The following TMEM204 variants were observed in gnomAD, a reference collection of about 807,000 sequenced individuals.
TMEM204 encodes the protein claudin-like protein 24.
TMEM204 carries 15 observed loss-of-function variants against 19.4 expected under a neutral mutation model. That is an observed-to-expected ratio of 0.77 (90% CI 0.52 to 1.19). The LOEUF (loss-of-function observed/expected upper bound fraction) is 1.19, where lower values mean the gene tolerates loss of function less well. TMEM204 is among the 50% of genes most tolerant of loss of function. The pLI is 0.00. For synonymous variants in TMEM204, 161 were observed against 146.0 expected, an observed-to-expected ratio of 1.10 and a Z score of -0.74; for missense variants, 287 against 321.2, an observed-to-expected ratio of 0.89 and a Z score of 0.81.
intron 2 of TMEM204, among the ~76,000 whole-genome samples, chr16:1,550,849 CTG>C (rs1400473711): frequency 6.6e-6 from 1 of 152,274 alleles, no homozygotes; most frequent in Non-Finnish European, 1.5e-5. Flanking sequence ...CTAGCCGTCT[CTG>C]TGGCTGACGC....
Position 1,533,974 on chromosome 16 carries a change from C to T in TMEM204, c.-302C>T. Reference sequence around the variant, plus strand: ...CGCGGCACAGGCCGGCCTCCGCTTCCCGGGAAGACGGCGCACTCCTGGCCC... The same window carrying T: ...CGCGGCACAGGCCGGCCTCCGCTTCTCGGGAAGACGGCGCACTCCTGGCCC... On this transcript the variant is annotated 5_prime_UTR_variant, in exon 1 of 3. Transcript: ENST00000566264. The surrounding 1 kb of genome is among the most constrained non-coding windows in gnomAD (Gnocchi z 4.7). The T allele has an allele frequency of 2.2e-6, 1 of 446,766 alleles. No homozygotes were observed. The highest frequency in any genetic ancestry group is 3.0e-5 in the South Asian group (1 of 33,258). The allele number at this position is 446,766 out of a possible 1,614,324, so 27.7% of individuals were successfully genotyped here.
chr16:1,554,069 A>G, intron 2 of TMEM204: 1 of 1,287,166 alleles, frequency 7.8e-7, no homozygotes, highest in Non-Finnish European at 1.0e-6. Context: ...GCATGGAAGG[A>G]AAATCTGCCA....
chr16:1,533,237 C>A (rs118152236), upstream of TMEM204: 1,012 of 152,466 alleles, frequency 6.6e-3, 8 homozygotes, highest in Admixed American at 8.8e-3. This position sits in a 1 kb window ranked among gnomAD's most constrained non-coding sequence, Gnocchi z 4.7. Context: ...GTGATATCTG[C>A]CCCCCTTTTG....
chr16:1,544,615 C>T (rs893845983), intron 2 of TMEM204, among the ~76,000 whole-genome samples: 22 of 152,102 alleles, frequency 1.4e-4, no homozygotes, highest in Admixed American at 1.4e-3. Flanking sequence ...CAAACGTGTG[C>T]TACTGCGCCC....
intron 1 of TMEM204, among the ~76,000 whole-genome samples, chr16:1,535,783 C>T (rs1204903833): frequency 2.6e-5 from 4 of 152,270 alleles, no homozygotes; most frequent in African/African-American, 9.6e-5. Context: ...CTGGACTGCG[C>T]ACTTCCTCTC....
intron 2 of TMEM204, among the ~76,000 whole-genome samples, chr16:1,542,902 G>A (rs775602157): frequency 1.9e-4 from 29 of 152,254 alleles, no homozygotes; most frequent in Non-Finnish European, 3.1e-4. Flanking sequence ...GCGTCATAGA[G>A]GGTGACAGTG....
chr16:1,551,412 T>A lies in TMEM204; in HGVS notation c.437-3370T>A, dbSNP rs917826579. On this transcript the variant is annotated intron_variant, in intron 2 of 2. Coordinates refer to ENST00000566264, the MANE Select transcript of TMEM204 (RefSeq NM_024600.6). The surrounding 1 kb of genome is among the most constrained non-coding windows in gnomAD (Gnocchi z 4.0). ...AGAAGCCCAGAGTAGGTGGACCCAG[T>A]GACTGAGAGGGGTGGAAAGGGCCAC... Among the ~76,000 whole-genome samples the A allele has an allele frequency of 2.0e-5, 3 of 151,678 alleles. No homozygotes were observed. The highest frequency in any genetic ancestry group is 4.4e-5 in the Non-Finnish European group (3 of 67,876).
chr16:1,532,691 G>C (rs1596316749), upstream of TMEM204: 1 of 152,310 alleles, frequency 6.6e-6, no homozygotes, highest in East Asian at 1.9e-4. Context: ...CTGCATTCAC[G>C]AAGCTTTGGA....
At position 1,533,950 on chromosome 16, in the gene TMEM204, G is replaced by A. The variant is rs2030781489; in HGVS notation, c.-326G>A. ...CTGCTGCAGGCGAGAAGAGGCACGCGCGGCACAGGCCGGCCTCCGCTTCCC... is the reference window on the plus strand; with the variant it reads ...CTGCTGCAGGCGAGAAGAGGCACGCACGGCACAGGCCGGCCTCCGCTTCCC... On this transcript the variant is annotated 5_prime_UTR_variant, in exon 1 of 3. Transcript: ENST00000566264. This position sits in a 1 kb window ranked among gnomAD's most constrained non-coding sequence, Gnocchi z 4.7. The A allele has an allele frequency of 5.1e-6, 2 of 393,982 alleles. No homozygotes were observed. The highest frequency in any genetic ancestry group is 3.2e-5 in the South Asian group (1 of 31,268). The allele number at this position is 393,982 out of a possible 1,614,324, so 24.4% of individuals were successfully genotyped here.
downstream of TMEM204, chr16:1,555,568 ACT>A (rs1451089841): frequency 5.5e-4 from 86 of 157,242 alleles, no homozygotes; most frequent in Admixed American, 6.2e-4. Context: ...AAGCCTCTGA[ACT>A]CTGTCTATAA....
chr16:1,536,141 T>A (rs1017466242), intron 1 of TMEM204, among the ~76,000 whole-genome samples: 1 of 152,160 alleles, frequency 6.6e-6, no homozygotes, highest in Non-Finnish European at 1.5e-5. Flanking sequence ...GCTCTGCACC[T>A]CCAGGCCTCC....
chr16:1,528,762 C>G (rs1276569442), upstream of TMEM204: 5 of 152,566 alleles, frequency 3.3e-5, no homozygotes, highest in Admixed American at 6.5e-5. Context: ...ACTGGAGGGA[C>G]CAGCCGCCCA....
At chr16:1,554,648 T>C in intron 2 of TMEM204, 134 bp from the exon 3 acceptor site, 1 of 1,344,172 alleles carries the variant, frequency 7.4e-7, no homozygotes, top group Non-Finnish European at 1.0e-6. Flanking sequence ...TAAAGCAGGC[T>C]GGAACCCGCT....
At chr16:1,541,794 A>G (rs1040006557) in intron 1 of TMEM204, 127 bp from the exon 2 acceptor site, 20 of 1,176,164 alleles carry the variant, frequency 1.7e-5, no homozygotes, top group Admixed American at 5.0e-5. Context: ...CCACTGCCCA[A>G]TGGAGGCACA....
rs549942486 is a variant in TMEM204 at position 1,547,588 on chromosome 16, G to A, written c.436+5512G>A. Among the ~76,000 whole-genome samples the A allele has an allele frequency of 2.0e-5, 3 of 152,306 alleles. No individual in the cohort carries two copies. The South Asian group carries it at 6.2e-4, about 32-fold the overall frequency. On this transcript the variant is annotated intron_variant, in intron 2 of 2. Transcript: ENST00000566264. ...GTCTCACTCCGATACCCAGCCTGGA[G>A]TGCAGTGGTGCAATCTGGGTTCAAT...
chr16:1,536,157 G>A (rs1019573791), intron 1 of TMEM204, among the ~76,000 whole-genome samples: 13 of 152,218 alleles, frequency 8.5e-5, no homozygotes, highest in African/African-American at 2.9e-4. Context: ...CCTCCTAACT[G>A]CTGCCACCAA....
rs988497354 is a variant in TMEM204, at chr16:1,551,382, C to T, written c.437-3400C>T. Among the ~76,000 whole-genome samples the T allele has an allele frequency of 5.9e-5, 9 of 152,008 alleles. No individual in the cohort carries two copies. Among genetic ancestry groups the T allele is most frequent in the Admixed American group, 4.6e-4 (7 of 15,278 alleles). On this transcript the variant is annotated intron_variant, in intron 2 of 2. Transcript: ENST00000566264. The surrounding 1 kb of genome is among the most constrained non-coding windows in gnomAD (Gnocchi z 4.0). Reference sequence around the variant, plus strand: ...GCCAGTCAAGCCGGGGACAGTGGCACGAGGAGAAGCCCAGAGTAGGTGGAC... The same window carrying T: ...GCCAGTCAAGCCGGGGACAGTGGCATGAGGAGAAGCCCAGAGTAGGTGGAC...
At chr16:1,540,446 C>T (rs566219607) in intron 1 of TMEM204, among the ~76,000 whole-genome samples, 1 of 152,358 alleles carries the variant, frequency 6.6e-6, no homozygotes, top group South Asian at 2.1e-4. Context: ...CGACAGCTTC[C>T]CCTGCTGGGC....
At position 1,534,203 on chromosome 16, in the gene TMEM204, G is replaced by A. The variant is rs901017963; in HGVS notation, c.-73G>A. ...TCCTCTAGCCACCCCTAGCAGCGTC[G>A]GCTCTCCCTGGACGTGCGGCCGCGG... On this transcript the variant is annotated 5_prime_UTR_variant, in exon 1 of 3. Transcript: ENST00000566264. The A allele has an allele frequency of 1.6e-5, 25 of 1,575,214 alleles. No individual in the cohort carries two copies. Among genetic ancestry groups the A allele is most frequent in the Middle Eastern group, 2.0e-4 (1 of 4,950 alleles).
Sources: gnomAD v4.1 joint callset for allele counts (sites outside exome capture counted in the v4.1 genomes callset) on GRCh38, gnomAD v4.1.1 for gene constraint, Gnocchi (gnomAD v3.1) non-coding constraint, MANE v1.5 for transcripts, NCBI Gene and HGNC (gene_info 2026-07-23, HGNC 2026-07-21) for gene names.